KIAA1328: variants seen among roughly 807,000 people sequenced by gnomAD.
KIAA1328 encodes the protein protein hinderin.
KIAA1328 carries 52 observed loss-of-function variants against 68.1 expected under a neutral mutation model. The ratio of observed to expected loss-of-function variants is 0.76; its 90% CI spans 0.61 to 0.96. KIAA1328 has a LOEUF of 0.96. Ranked by LOEUF, KIAA1328 falls within the 40% of genes least tolerant of loss-of-function variation. KIAA1328 has a pLI of 0.00. For missense variants in KIAA1328, 641 were observed against 677.6 expected (o/e 0.95, Z 0.60); for synonymous variants, 232 against 239.4 (o/e 0.97, Z 0.28).
At chr18:37,150,573 A>G (rs546775670) in intron 7 of KIAA1328, among the ~76,000 whole-genome samples, 1 of 151,292 alleles carries the variant, frequency 6.6e-6, no homozygotes, top group African/African-American at 2.4e-5. Flanking sequence ...ACACAAATGC[A>G]GAAAAAAAAA....
intron 5 of KIAA1328, among the ~76,000 whole-genome samples, chr18:36,922,842 T>A (rs902270717): frequency 6.6e-6 from 1 of 152,140 alleles, no homozygotes; most frequent in African/African-American, 2.4e-5. Flanking sequence ...GAATTTTTTT[T>A]CGTAGTAGGG....
intron 5 of KIAA1328, among the ~76,000 whole-genome samples, chr18:36,940,438 C>A (rs1009809035): frequency 6.6e-6 from 1 of 152,010 alleles, no homozygotes; most frequent in Non-Finnish European, 1.5e-5. Flanking sequence ...AAAGGTTAAA[C>A]CCAGTGTAGA....
intron 5 of KIAA1328, chr18:36,902,267 G>A (rs1335484969): frequency 6.6e-6 from 1 of 151,686 alleles, no homozygotes; most frequent in Admixed American, 6.6e-5. Context: ...TTTGCTGGAG[G>A]GGTGGTGGTA....
At chr18:37,027,960 A>T (rs1568310673) in intron 6 of KIAA1328, among the ~76,000 whole-genome samples, 1 of 152,236 alleles carries the variant, frequency 6.6e-6, no homozygotes, top group South Asian at 2.1e-4. Flanking sequence ...CAATCTACTC[A>T]TCTGACAAAG....
chr18:37,179,106 C>T (rs1459466135), intron 9 of KIAA1328, among the ~76,000 whole-genome samples: 4 of 152,090 alleles, frequency 2.6e-5, no homozygotes, highest in Non-Finnish European at 4.4e-5. Flanking sequence ...GCTTTTGTTG[C>T]CTGTGCTTTT....
At chr18:36,854,084 G>A (rs1185206390) in intron 4 of KIAA1328, among the ~76,000 whole-genome samples, 3 of 152,208 alleles carry the variant, frequency 2.0e-5, no homozygotes, top group Non-Finnish European at 1.5e-5. Context: ...TTAAGGTTAA[G>A]TGAGATCATA....
At chr18:37,040,008 T>C (rs1205095036) in intron 6 of KIAA1328, among the ~76,000 whole-genome samples, 1 of 152,116 alleles carries the variant, frequency 6.6e-6, no homozygotes, top group Non-Finnish European at 1.5e-5. Context: ...CTCATCTTAA[T>C]AGAGGCTGCA....
At chr18:36,839,233 C>T (rs965541142) in intron 3 of KIAA1328, among the ~76,000 whole-genome samples, 1 of 152,170 alleles carries the variant, frequency 6.6e-6, no homozygotes, top group Non-Finnish European at 1.5e-5. Context: ...CTCTGATCCT[C>T]TGTTCATATT....
At chr18:36,905,407 T>C (rs1160694106) in intron 5 of KIAA1328, among the ~76,000 whole-genome samples, 1 of 152,090 alleles carries the variant, frequency 6.6e-6, no homozygotes, top group South Asian at 2.1e-4. Flanking sequence ...CCACCATGCC[T>C]GGCCTTGTAA....
intron 7 of KIAA1328, among the ~76,000 whole-genome samples, chr18:37,115,385 A>G (rs1335315313): frequency 6.6e-6 from 1 of 152,228 alleles, no homozygotes; most frequent in African/African-American, 2.4e-5. Flanking sequence ...AACGTAATCC[A>G]TCATATAAAC....
At chr18:37,133,025 T>A (rs1182926762) in intron 7 of KIAA1328, among the ~76,000 whole-genome samples, 1 of 152,168 alleles carries the variant, frequency 6.6e-6, no homozygotes, top group African/African-American at 2.4e-5. Flanking sequence ...TTCCATGGCA[T>A]TCCAGAAAAG....
At chr18:37,106,423 T>G (rs2057777019) in intron 7 of KIAA1328, among the ~76,000 whole-genome samples, 2 of 100,490 alleles carry the variant, frequency 2.0e-5, no homozygotes, top group South Asian at 5.7e-4. Flanking sequence ...TAAAAATCAC[T>G]TTTTTTTTTT....
intron 9 of KIAA1328, among the ~76,000 whole-genome samples, chr18:37,192,433 A>G (rs2059924371): frequency 1.3e-5 from 2 of 152,186 alleles, no homozygotes; most frequent in Non-Finnish European, 2.9e-5. Flanking sequence ...ATGGATGTAT[A>G]TCCATATGCA....
intron 4 of KIAA1328, among the ~76,000 whole-genome samples, chr18:36,881,597 A>G (rs545043915): frequency 1.3e-5 from 2 of 152,152 alleles, no homozygotes; most frequent in Non-Finnish European, 2.9e-5. Context: ...ATGCATTAGC[A>G]CTCACTGCCC....
At chr18:36,885,808 C>T (rs372264840) in intron 5 of KIAA1328, 136 bp downstream of exon 5, 3 of 570,588 alleles carry the variant, frequency 5.3e-6, no homozygotes, top group Middle Eastern at 9.5e-4. Context: ...ACCTCCACCT[C>T]CCGGTTCAAG....
At chr18:37,213,335 T>A (rs1051282236) in intron 9 of KIAA1328, among the ~76,000 whole-genome samples, 2 of 152,136 alleles carry the variant, frequency 1.3e-5, no homozygotes, top group African/African-American at 4.8e-5. Flanking sequence ...TGTGTGATGT[T>A]CCCCGCTCTG....
chr18:37,000,286 G>T (rs949133675), intron 6 of KIAA1328, among the ~76,000 whole-genome samples: 1 of 152,016 alleles, frequency 6.6e-6, no homozygotes, highest in Non-Finnish European at 1.5e-5. Flanking sequence ...ATCATAAAAG[G>T]ATCAATGCAG....
At chr18:37,217,418 T>C (rs1215816503) in intron 9 of KIAA1328, among the ~76,000 whole-genome samples, 2 of 152,156 alleles carry the variant, frequency 1.3e-5, no homozygotes, top group Non-Finnish European at 2.9e-5. Context: ...ATTTTGCCTT[T>C]ACTAATGAAG....
intron 6 of KIAA1328, among the ~76,000 whole-genome samples, chr18:37,041,793 AC>A (rs1162425124): frequency 6.6e-6 from 1 of 152,198 alleles, no homozygotes; most frequent in Non-Finnish European, 1.5e-5. Context: ...TAAGGTGAAT[AC>A]CAACAGTATT....
Sources: allele counts gnomAD v4.1 joint callset (sites outside exome capture counted in the v4.1 genomes callset), GRCh38; gene constraint gnomAD v4.1.1; transcripts MANE v1.5; gene names NCBI Gene and HGNC (gene_info 2026-07-23, HGNC 2026-07-21).